EPHA5: variants seen among roughly 807,000 people sequenced by gnomAD.
The protein encoded by EPHA5 is ephrin type-A receptor 5.
EPHA5 carries 60 observed loss-of-function variants against 105.0 expected under a neutral mutation model. The observed-to-expected ratio is 0.57, with a 90% CI of 0.46 to 0.71. The LOEUF (loss-of-function observed/expected upper bound fraction) is 0.71, where lower values mean the gene tolerates loss of function less well. EPHA5 is among the 30% of genes least tolerant of loss of function. The pLI, the probability that EPHA5 is intolerant of heterozygous loss-of-function variation, is 0.00. For missense variants in EPHA5, 1,218 were observed against 1,274.7 expected, an observed-to-expected ratio of 0.96 and a Z score of 0.68; for synonymous variants, 513 against 449.1, an observed-to-expected ratio of 1.14 and a Z score of -1.80.
intron 3 of EPHA5, among the ~76,000 whole-genome samples, chr4:65,532,608 T>TA (rs1324403022): frequency 6.5e-4 from 1 of 1,538 alleles, no homozygotes; most frequent in Non-Finnish European, 1.5e-3. Flanking sequence ...CCAATAGCTC[T>TA]TTTTTTTTTT....
At chr4:65,326,176 C>T (rs945135029) in intron 16 of EPHA5, among the ~76,000 whole-genome samples, 1 of 150,584 alleles carries the variant, frequency 6.6e-6, no homozygotes, top group East Asian at 2.0e-4. Context: ...ATATCAATAA[C>T]CCTATGATAC....
intron 7 of EPHA5, among the ~76,000 whole-genome samples, chr4:65,412,853 A>G (rs1277689255): frequency 6.6e-6 from 1 of 152,152 alleles, no homozygotes; most frequent in Non-Finnish European, 1.5e-5. Flanking sequence ...CCAGTTGCTG[A>G]ATGTGCCAAC....
At chr4:65,391,866 T>C (rs1386950423) in intron 8 of EPHA5, among the ~76,000 whole-genome samples, 1 of 152,178 alleles carries the variant, frequency 6.6e-6, no homozygotes, top group East Asian at 1.9e-4. Context: ...TTTGATTCTT[T>C]ACTTAAATAA....
rs978783226 is a variant in EPHA5, at chr4:65,333,881, G to A, written c.2790-1753C>T. Reference sequence around the variant, plus strand: ...ATCTCCACATCCGTGTGCTCTTGAAGTTCTGCCCATTATATAGTATGATGC... The same window carrying A: ...ATCTCCACATCCGTGTGCTCTTGAAATTCTGCCCATTATATAGTATGATGC... On this transcript the variant is annotated intron_variant, in intron 15 of 16. Transcript: ENST00000613740. Among the ~76,000 whole-genome samples the A allele has an allele frequency of 4.0e-5, 6 of 151,562 alleles. No individual in the cohort carries two copies. In the Admixed American group the frequency reaches 4.0e-4, roughly 10 times the overall value.
rs141088985 is a variant in EPHA5, at chr4:65,324,165, G to C, written c.3000C>G (p.Asn1000Lys). 3 of 1,609,466 alleles carry C rather than the reference G, an allele frequency of 1.9e-6. No individual in the cohort carries two copies. Among genetic ancestry groups the C allele is most frequent in the African/African-American group, 1.3e-5 (1 of 74,480 alleles). The change falls in exon 17 of 17, where the codon AAC (asparagine) becomes AAG (lysine). Residue 1000 changes from asparagine to lysine, a missense_variant. Around this residue, in one of 3 missense-constraint regions of EPHA5, gnomAD observed 971 missense variants for 1,013.5 expected, o/e 0.96. Coordinates refer to ENST00000613740, the MANE Select transcript of EPHA5 (RefSeq NM_001281766.3). Reference protein sequence around the residue: ...TLVGHQKKIMNSLQEMKVQLV... With the variant: ...TLVGHQKKIMKSLQEMKVQLV... Reference sequence around the variant, plus strand: ...GCTGCACCTTCATTTCTTGAAGGCTGTTCATGATCTTCTTCTGGTGACCGA... The same window carrying C: ...GCTGCACCTTCATTTCTTGAAGGCTCTTCATGATCTTCTTCTGGTGACCGA...
chr4:65,506,940 C>G (rs1733091894), intron 3 of EPHA5, among the ~76,000 whole-genome samples: 1 of 152,118 alleles, frequency 6.6e-6, no homozygotes, highest in African/African-American at 2.4e-5. Context: ...AAGTCCTTGC[C>G]CATGCCTATG....
intron 2 of EPHA5, among the ~76,000 whole-genome samples, chr4:65,636,608 G>A (rs1171880670): frequency 6.6e-6 from 1 of 151,848 alleles, no homozygotes; most frequent in Non-Finnish European, 1.5e-5. Context: ...TTTATATACT[G>A]AAAGTGTATT....
intron 5 of EPHA5, among the ~76,000 whole-genome samples, chr4:65,455,207 T>C (rs1218873506): frequency 6.6e-6 from 1 of 151,918 alleles, no homozygotes; most frequent in Non-Finnish European, 1.5e-5. Flanking sequence ...CACTCCAGCC[T>C]GGGAGACAGA....
At chr4:65,352,939 A>C in intron 12 of EPHA5, 103 bp downstream of exon 12, 1 of 647,232 alleles carries the variant, frequency 1.5e-6, no homozygotes, top group Non-Finnish European at 2.5e-6. Flanking sequence ...TTAAGCTTTA[A>C]AGTGGCCCAA....
intron 14 of EPHA5, among the ~76,000 whole-genome samples, chr4:65,341,923 AAT>A (rs1577860761): frequency 6.6e-6 from 1 of 152,128 alleles, no homozygotes; most frequent in Admixed American, 6.6e-5. Flanking sequence ...ATGACATAGA[AAT>A]AGTTTCAGAT....
chr4:65,444,085 G>A (rs59199799), intron 5 of EPHA5, among the ~76,000 whole-genome samples: 23,874 of 152,076 alleles, frequency 0.16, 2,024 homozygotes, highest in East Asian at 0.19. Context: ...TACTTATATA[G>A]TAATTTTACT....
Position 65,323,848 on chromosome 4 carries a change from G to C in EPHA5, c.*266C>G. On this transcript the variant is annotated 3_prime_UTR_variant, in exon 17 of 17. Transcript: ENST00000613740. ...AAAATTTTGTAGAAGTAGTGGGAAG[G>C]ATTCTGTTGTTGTAACTTAAGATGA... is the stretch of plus-strand genomic sequence containing the variant. 3.5e-6 allele frequency: 1 copy of C among 287,378 alleles called. No homozygotes were observed. The highest frequency in any genetic ancestry group is 6.5e-6 in the Non-Finnish European group (1 of 152,836). The allele number at this position is 287,378 out of a possible 1,614,324, so 17.8% of individuals were successfully genotyped here. A position where few individuals can be genotyped will look rare whatever the true frequency, so the allele number is the denominator to read the frequency against.
chr4:65,476,243 C>T (rs905513642), intron 5 of EPHA5, among the ~76,000 whole-genome samples: 2 of 151,412 alleles, frequency 1.3e-5, no homozygotes, highest in African/African-American at 4.9e-5. Flanking sequence ...TGCATTGTAA[C>T]AAACAGACAG....
In EPHA5 at chr4:65,476,086, G is replaced by T. The variant is rs907337370; in HGVS notation, c.1402+14291C>A. Among the ~76,000 whole-genome samples the T allele has an allele frequency of 2.7e-5, 4 of 147,020 alleles. No individual in the cohort carries two copies. In the Admixed American group the frequency reaches 2.7e-4, roughly 10 times the overall value. Reference sequence around the variant, plus strand: ...TCAGAATGTCAGACAAACACTCCCTGCATCAAAATCACTGAGAGAGAGAGA... The same window carrying T: ...TCAGAATGTCAGACAAACACTCCCTTCATCAAAATCACTGAGAGAGAGAGA... On this transcript the variant is annotated intron_variant, in intron 5 of 16. Coordinates refer to ENST00000613740, the MANE Select transcript of EPHA5 (RefSeq NM_001281766.3).
intron 5 of EPHA5, among the ~76,000 whole-genome samples, chr4:65,431,232 T>C (rs959342346): frequency 2.0e-5 from 3 of 152,150 alleles, no homozygotes; most frequent in Admixed American, 2.0e-4. Context: ...GCATGCTAAA[T>C]GCAAATTCAA....
chr4:65,503,550 T>C (rs1732702431), intron 3 of EPHA5, among the ~76,000 whole-genome samples: 2 of 151,926 alleles, frequency 1.3e-5, no homozygotes, highest in African/African-American at 4.8e-5. Flanking sequence ...GAAAAATCAT[T>C]AAATCTCTCA....
intron 3 of EPHA5, among the ~76,000 whole-genome samples, chr4:65,583,682 G>A (rs929160197): frequency 6.6e-6 from 1 of 151,634 alleles, no homozygotes; most frequent in Non-Finnish European, 1.5e-5. Context: ...TTTGAATGTG[G>A]TCCGGCACTT....
At chr4:65,634,649 T>C (rs1452509513) in intron 2 of EPHA5, among the ~76,000 whole-genome samples, 1 of 152,234 alleles carries the variant, frequency 6.6e-6, no homozygotes, top group East Asian at 1.9e-4. Context: ...CTTCATTATA[T>C]TGGCATTTGC....
chr4:65,564,607 T>G (rs541538080), intron 3 of EPHA5, among the ~76,000 whole-genome samples: 1 of 151,924 alleles, frequency 6.6e-6, no homozygotes, highest in South Asian at 2.1e-4. Flanking sequence ...CTTTAAACCC[T>G]TCTTAGCTAC....
Sources: allele counts gnomAD v4.1 joint callset (sites outside exome capture counted in the v4.1 genomes callset), GRCh38; gene constraint gnomAD v4.1.1; regional missense constraint gnomAD v4.1.1; transcripts MANE v1.5; gene names NCBI Gene and HGNC (gene_info 2026-07-23, HGNC 2026-07-21).